Variants in CCDC171 observed in about 807,000 individuals in gnomAD.
The protein encoded by CCDC171 is coiled-coil domain-containing protein 171.
A neutral mutation model predicts 168.2 loss-of-function variants in CCDC171; 177 were observed. That is an observed-to-expected ratio of 1.05 (90% confidence interval 0.93 to 1.19). The LOEUF is 1.19. CCDC171 is among the 50% of genes most tolerant of loss of function. The probability of loss-of-function intolerance (pLI) is 0.00; values close to 1 mark genes in which losing one functional copy is unlikely to be tolerated. For missense variants in CCDC171, 1,991 were observed against 1,539.0 expected (o/e 1.29, Z -4.91); for synonymous variants, 687 against 540.8 (o/e 1.27, Z -3.75).
At chr9:15,931,966 G>C (rs547949318) in intron 25 of CCDC171, among the ~76,000 whole-genome samples, 1 of 151,994 alleles carries the variant, frequency 6.6e-6, no homozygotes, top group South Asian at 2.1e-4. Flanking sequence ...TTATGTGTCT[G>C]TTTTTATGCC....
chr9:16,089,793 A>T, the CCDC171 span, among the ~76,000 whole-genome samples: 6 of 152,190 alleles, frequency 3.9e-5, no homozygotes, highest in African/African-American at 1.4e-4. Flanking sequence ...ACTTCTCAAG[A>T]CATTTATGCA....
chr9:15,872,743 G>A (rs890923975), intron 23 of CCDC171, among the ~76,000 whole-genome samples: 1 of 151,854 alleles, frequency 6.6e-6, no homozygotes, highest in Non-Finnish European at 1.5e-5. Context: ...ATTGACTGTG[G>A]TTCAGAAGGG....
downstream of CCDC171, among the ~76,000 whole-genome samples, chr9:16,064,770 C>T (rs780437470): frequency 3.3e-5 from 5 of 152,080 alleles, no homozygotes; most frequent in African/African-American, 4.8e-5. Context: ...GAAAATTGGC[C>T]GTAATTTATT....
rs896653554 is a variant in CCDC171, at chr9:15,793,094, A to C, written c.3267+8400A>C. ...CAGGAAACCCACCTCACGTGCAGAG[A>C]CACACATAGGCTCAAAATAAAGGGA... On this transcript the variant is annotated intron_variant, in intron 21 of 25. Coordinates refer to ENST00000380701, the MANE Select transcript of CCDC171 (RefSeq NM_173550.4). 5.3e-5 allele frequency among the ~76,000 whole-genome samples: 8 copies of C among 152,306 alleles called. No homozygotes were observed. In the South Asian group the frequency reaches 1.0e-3, roughly 20 times the overall value.
chr9:15,572,115 A>G (rs569419663), intron 3 of CCDC171, among the ~76,000 whole-genome samples: 46 of 152,296 alleles, frequency 3.0e-4, no homozygotes, highest in African/African-American at 1.1e-3. Flanking sequence ...AATCTCTTTA[A>G]GTAAATTTGA....
chr9:15,994,321 C>G (rs1415280291), intron 3 of CCDC171, among the ~76,000 whole-genome samples: 1 of 152,120 alleles, frequency 6.6e-6, no homozygotes, highest in African/African-American at 2.4e-5. Context: ...TCATTCTCAG[C>G]AAACTATTGC....
At chr9:15,761,978 C>G (rs1251318942) in intron 18 of CCDC171, among the ~76,000 whole-genome samples, 1 of 151,926 alleles carries the variant, frequency 6.6e-6, no homozygotes, top group Non-Finnish European at 1.5e-5. Flanking sequence ...GATAATTCAT[C>G]CTTGAAAGTG....
chr9:15,977,989 A>G (rs1313831418), downstream of CCDC171, among the ~76,000 whole-genome samples: 2 of 150,940 alleles, frequency 1.3e-5, no homozygotes, highest in Admixed American at 6.6e-5. Flanking sequence ...CTTTTTCTTC[A>G]AACAGTAACC....
At chr9:15,577,558 T>C (rs1449153665) in intron 3 of CCDC171, among the ~76,000 whole-genome samples, 1 of 152,168 alleles carries the variant, frequency 6.6e-6, no homozygotes, top group Non-Finnish European at 1.5e-5. Context: ...CCAGCCAATA[T>C]TATAAACCCA....
At chr9:16,048,413 G>A (rs1833695050) in intron 1 of CCDC171, among the ~76,000 whole-genome samples, 1 of 152,218 alleles carries the variant, frequency 6.6e-6, no homozygotes, top group African/African-American at 2.4e-5. Flanking sequence ...TGAAGAGTGA[G>A]CTGGAGGCAC....
chr9:16,032,654 A>G (rs141656427), intron 6 of CCDC171, among the ~76,000 whole-genome samples: 10 of 152,240 alleles, frequency 6.6e-5, no homozygotes, highest in African/African-American at 2.4e-4. Context: ...GTCTTGCTCT[A>G]TTGCCCAGGC....
At chr9:15,683,362 T>G (rs2050166395) in intron 10 of CCDC171, among the ~76,000 whole-genome samples, 2 of 151,980 alleles carry the variant, frequency 1.3e-5, no homozygotes, top group African/African-American at 2.4e-5. Context: ...TGATAATATT[T>G]TTACTTCCAA....
At chr9:15,589,450 C>T (rs779366484) in intron 4 of CCDC171, among the ~76,000 whole-genome samples, 8 of 152,136 alleles carry the variant, frequency 5.3e-5, no homozygotes, top group Non-Finnish European at 1.0e-4. Context: ...ATTTTCATTT[C>T]ACTTCCTAAA....
chr9:16,019,640 A>C (rs1019878862), intron 3 of CCDC171, among the ~76,000 whole-genome samples: 1 of 152,198 alleles, frequency 6.6e-6, no homozygotes, highest in African/African-American at 2.4e-5. Context: ...GAAAGGCTAC[A>C]GTCTACAATT....
chr9:15,583,963 G>A (rs530761748), intron 4 of CCDC171, among the ~76,000 whole-genome samples: 9 of 152,232 alleles, frequency 5.9e-5, no homozygotes, highest in African/African-American at 9.6e-5. Context: ...CGCCTCCCGG[G>A]TTCAAGCAAT....
chr9:16,054,774 G>A (rs113196901), intron 1 of CCDC171, among the ~76,000 whole-genome samples: 4 of 152,348 alleles, frequency 2.6e-5, no homozygotes, highest in African/African-American at 9.6e-5. Flanking sequence ...TCAGGGAAGT[G>A]TTATTGGCAT....
chr9:15,748,320 A>T (rs143851532), intron 18 of CCDC171, among the ~76,000 whole-genome samples: 2,685 of 152,314 alleles, frequency 0.018, 93 homozygotes, highest in African/African-American at 0.061. Flanking sequence ...ATAGGGGATT[A>T]TGTGAAAAGA....
intron 6 of CCDC171, among the ~76,000 whole-genome samples, chr9:16,032,064 G>T (rs957695606): frequency 6.6e-6 from 1 of 152,162 alleles, no homozygotes; most frequent in Admixed American, 6.5e-5. Context: ...CATCCGTGCC[G>T]AGGAAGGGAA....
intron 15 of CCDC171, 88 bp downstream of exon 15, chr9:15,728,124 C>T: frequency 9.9e-7 from 1 of 1,011,830 alleles, no homozygotes; most frequent in Admixed American, 2.7e-5. Context: ...TGACATTCAT[C>T]TTATTTCAAA....
Sources: gnomAD v4.1 joint callset for allele counts (sites outside exome capture counted in the v4.1 genomes callset) on GRCh38, gnomAD v4.1.1 for gene constraint, MANE v1.5 for transcripts, NCBI Gene and HGNC (gene_info 2026-07-23, HGNC 2026-07-21) for gene names.